The following INPP4B variants were observed in gnomAD, a reference collection of about 807,000 sequenced individuals.
The protein encoded by INPP4B is inositol polyphosphate-4-phosphatase type II B.
A neutral mutation model predicts 122.5 loss-of-function variants in INPP4B; 55 were observed. The ratio of observed to expected loss-of-function variants is 0.45; its 90% CI spans 0.36 to 0.56. The LOEUF is 0.56. Ranked by LOEUF, INPP4B falls within the 20% of genes least tolerant of loss-of-function variation. The pLI, the probability that INPP4B is intolerant of heterozygous loss-of-function variation, is 0.00. For synonymous variants in INPP4B, 403 were observed against 388.7 expected, an observed-to-expected ratio of 1.04 and a Z score of -0.43; for missense variants, 1,000 against 1,097.7, an observed-to-expected ratio of 0.91 and a Z score of 1.26.
In INPP4B at chr4:142,091,156, C is replaced by T. The variant is rs7658347; in HGVS notation, c.2375-4900G>A. On this transcript the variant is annotated intron_variant, in intron 23 of 25. Coordinates refer to ENST00000262992, the MANE Select transcript of INPP4B (RefSeq NM_001101669.3). ...CCTATCTGTAAATATTTGTTTCTTA[C>T]GAAAATTCCAAAGCTGAGCAATGGG... Among the ~76,000 whole-genome samples, 1,462 of 152,188 alleles carry T rather than the reference C, an allele frequency of 9.6e-3. 26 individuals carry two copies. The highest frequency in any genetic ancestry group is 0.032 in the African/African-American group (1,349 of 41,524).
intron 2 of INPP4B, among the ~76,000 whole-genome samples, chr4:142,541,679 G>A (rs1483248921): frequency 6.6e-6 from 1 of 152,184 alleles, no homozygotes; most frequent in Non-Finnish European, 1.5e-5. Flanking sequence ...AGAGAGCGCT[G>A]CAGACTTTTT....
intron 23 of INPP4B, among the ~76,000 whole-genome samples, chr4:142,095,330 T>C (rs957323150): frequency 6.6e-6 from 1 of 152,146 alleles, no homozygotes; most frequent in African/African-American, 2.4e-5. Flanking sequence ...CTATGCCAAA[T>C]AGCTGAGTGA....
rs1790826310 is a variant in INPP4B, at chr4:142,112,693, C to T, written c.2136-11G>A. Reference sequence around the variant, plus strand: ...ACCACGTAATGTTCTCTAAAGAAGGCAGAGGACAAAGGGAAGAAACATTAC... The same window carrying T: ...ACCACGTAATGTTCTCTAAAGAAGGTAGAGGACAAAGGGAAGAAACATTAC... On this transcript the variant is annotated splice_polypyrimidine_tract_variant and intron_variant, in intron 21 of 25. Transcript: ENST00000262992. 2 of 1,600,432 alleles carry T rather than the reference C, an allele frequency of 1.2e-6. No individual in the cohort carries two copies. The highest frequency in any genetic ancestry group is 8.5e-7 in the Non-Finnish European group (1 of 1,176,330).
chr4:142,107,950 G>A (rs1447689486), intron 23 of INPP4B, 143 bp downstream of exon 23: 2 of 567,730 alleles, frequency 3.5e-6, no homozygotes, highest in Non-Finnish European at 6.1e-6. Context: ...TTGGCAATCA[G>A]TCTTTTTGGA....
chr4:142,310,253 T>C (rs1291829050), intron 8 of INPP4B, among the ~76,000 whole-genome samples: 1 of 152,150 alleles, frequency 6.6e-6, no homozygotes, highest in Non-Finnish European at 1.5e-5. Flanking sequence ...CAAGTTGAGA[T>C]GTACACTCAG....
intron 18 of INPP4B, among the ~76,000 whole-genome samples, chr4:142,144,155 G>T (rs1044288797): frequency 1.3e-5 from 2 of 150,614 alleles, no homozygotes; most frequent in African/African-American, 4.9e-5. Flanking sequence ...TGATTTATCT[G>T]CCAAATATTT....
At chr4:142,523,883 C>T (rs1160841174) in intron 2 of INPP4B, among the ~76,000 whole-genome samples, 1 of 144,812 alleles carries the variant, frequency 6.9e-6, no homozygotes, top group African/African-American at 2.6e-5. Flanking sequence ...GTTCAATTCC[C>T]ACCTATGAGT....
intron 7 of INPP4B, among the ~76,000 whole-genome samples, chr4:142,350,141 C>T (rs1196381775): frequency 1.3e-5 from 2 of 151,962 alleles, no homozygotes; most frequent in Admixed American, 6.6e-5. Context: ...TTGTATGTTG[C>T]TTTCCACTAT....
chr4:142,484,832 A>G (rs1001235458), intron 2 of INPP4B, among the ~76,000 whole-genome samples: 1 of 152,018 alleles, frequency 6.6e-6, no homozygotes, highest in Non-Finnish European at 1.5e-5. Context: ...CTCATCATTT[A>G]TTAAGGAAAT....
intron 2 of INPP4B, among the ~76,000 whole-genome samples, chr4:142,717,569 G>A (rs1403618057): frequency 6.6e-6 from 1 of 152,120 alleles, no homozygotes; most frequent in Admixed American, 6.5e-5. Flanking sequence ...CATAAAAAAG[G>A]ATTAGTTCTT....
chr4:142,798,216 T>C lies in INPP4B; in HGVS notation c.-254+47993A>G, dbSNP rs181208767. Among the ~76,000 whole-genome samples the C allele has an allele frequency of 1.2e-3, 187 of 152,004 alleles. 1 individual carries two copies. Among genetic ancestry groups the C allele is most frequent in the African/African-American group, 4.5e-3 (185 of 41,542 alleles). On this transcript the variant is annotated intron_variant, in intron 1 of 25. Coordinates refer to ENST00000262992, the MANE Select transcript of INPP4B (RefSeq NM_001101669.3). ...ACTAGGAAAAATAGAAAACTATTTT[T>C]ACACATAAAAAGCAACCCAAAATGT...
chr4:142,762,281 A>G (rs1251155131), intron 1 of INPP4B, among the ~76,000 whole-genome samples: 12 of 152,132 alleles, frequency 7.9e-5, no homozygotes, highest in Non-Finnish European at 4.4e-5. Flanking sequence ...GAAAGCCATC[A>G]CCACACCCAC....
intron 16 of INPP4B, among the ~76,000 whole-genome samples, chr4:142,168,599 G>A (rs571138793): frequency 1.7e-4 from 26 of 151,526 alleles, no homozygotes; most frequent in Admixed American, 8.6e-4. Flanking sequence ...TTCAATTCCC[G>A]TTGTATTAAA....
chr4:142,734,947 T>G (rs1231159485), intron 1 of INPP4B, among the ~76,000 whole-genome samples: 1 of 152,116 alleles, frequency 6.6e-6, no homozygotes, highest in Non-Finnish European at 1.5e-5. Flanking sequence ...GCCTGGCCGA[T>G]TTTTTAAATA....
chr4:142,192,799 A>G (rs886294056), intron 15 of INPP4B, among the ~76,000 whole-genome samples: 2 of 152,082 alleles, frequency 1.3e-5, no homozygotes, highest in Non-Finnish European at 2.9e-5. Context: ...ATCTCTGAAC[A>G]CTCCTTTGAG....
intron 2 of INPP4B, among the ~76,000 whole-genome samples, chr4:142,611,529 T>C (rs766599297): frequency 1.3e-5 from 2 of 151,930 alleles, no homozygotes; most frequent in Non-Finnish European, 2.9e-5. Flanking sequence ...AAAATACATA[T>C]ATCTTTTATT....
At chr4:142,692,042 A>G (rs1760261087) in intron 2 of INPP4B, among the ~76,000 whole-genome samples, 1 of 152,194 alleles carries the variant, frequency 6.6e-6, no homozygotes, top group Admixed American at 6.5e-5. Flanking sequence ...GGAAGATGTT[A>G]ATTATTTCTC....
At chr4:142,796,127 T>C (rs1026363102) in intron 1 of INPP4B, among the ~76,000 whole-genome samples, 4 of 152,038 alleles carry the variant, frequency 2.6e-5, no homozygotes, top group Non-Finnish European at 5.9e-5. Flanking sequence ...ATCATCGTTC[T>C]ACATGCATCT....
intron 21 of INPP4B, among the ~76,000 whole-genome samples, chr4:142,115,490 T>C (rs536765562): frequency 3.9e-5 from 6 of 152,090 alleles, no homozygotes; most frequent in African/African-American, 1.2e-4. Flanking sequence ...AGCCAGAAGA[T>C]AGTGGGGGCC....
Sources: gnomAD v4.1 joint callset for allele counts (sites outside exome capture counted in the v4.1 genomes callset) on GRCh38, gnomAD v4.1.1 for gene constraint, MANE v1.5 for transcripts, NCBI Gene and HGNC (gene_info 2026-07-23, HGNC 2026-07-21) for gene names.